Variants in KCNIP4 observed in about 807,000 individuals in gnomAD.
KCNIP4 encodes the protein Kv channel-interacting protein 4.
In KCNIP4, 12 loss-of-function variants were observed where a neutral mutation model predicts 34.0. That is an observed-to-expected ratio of 0.35 (90% CI 0.23 to 0.57). The LOEUF (loss-of-function observed/expected upper bound fraction) is 0.57. Among genes scored for constraint, KCNIP4 ranks in the 20% least tolerant of loss-of-function variants. The pLI is 0.83. For synonymous variants in KCNIP4, 124 were observed against 102.2 expected (o/e 1.21, Z -1.29); for missense variants, 238 against 311.7 (o/e 0.76, Z 1.78).
chr4:21,809,874 T>A (rs1721520070), intron 1 of KCNIP4, among the ~76,000 whole-genome samples: 1 of 152,224 alleles, frequency 6.6e-6, no homozygotes, highest in African/African-American at 2.4e-5. Context: ...AGGGAATTAA[T>A]GAGACCAGGG....
At chr4:21,606,675 C>A (rs535181993) in intron 1 of KCNIP4, among the ~76,000 whole-genome samples, 28 of 152,104 alleles carry the variant, frequency 1.8e-4, no homozygotes, top group African/African-American at 2.7e-4. Context: ...CTCACTGCAA[C>A]CTCTGCCTCC....
chr4:20,732,570 T>A, intron 7 of KCNIP4, 111 bp downstream of exon 7: 1 of 718,152 alleles, frequency 1.4e-6, no homozygotes. Flanking sequence ...CTGTTTTGTT[T>A]CAGTAAAAAT....
chr4:21,098,303 A>C (rs1747639961), intron 1 of KCNIP4, among the ~76,000 whole-genome samples: 1 of 152,232 alleles, frequency 6.6e-6, no homozygotes, highest in African/African-American at 2.4e-5. Context: ...TGCATTAAAT[A>C]ATAGATTTTC....
intron 1 of KCNIP4, among the ~76,000 whole-genome samples, chr4:21,385,918 C>G (rs1215959691): frequency 6.6e-6 from 1 of 152,114 alleles, no homozygotes; most frequent in Non-Finnish European, 1.5e-5. Flanking sequence ...TCAAAACTAG[C>G]TCAAACAAGT....
chr4:21,139,930 C>G (rs1427673149), intron 1 of KCNIP4, among the ~76,000 whole-genome samples: 1 of 151,914 alleles, frequency 6.6e-6, no homozygotes, highest in Non-Finnish European at 1.5e-5. Context: ...GTCTTTTTAA[C>G]CCCAGAGTCC....
chr4:21,757,109 A>G (rs532941686), intron 1 of KCNIP4, among the ~76,000 whole-genome samples: 4 of 3,138 alleles, frequency 1.3e-3, no homozygotes, highest in African/African-American at 3.2e-3. Flanking sequence ...AAAAGAAAGA[A>G]AGAAAGAAAG....
intron 1 of KCNIP4, among the ~76,000 whole-genome samples, chr4:21,414,474 G>C (rs897393137): frequency 2.0e-5 from 3 of 152,106 alleles, no homozygotes; most frequent in African/African-American, 7.2e-5. Flanking sequence ...ACCCTCTCAG[G>C]CTCCTGTGGA....
At chr4:20,846,997 T>C (rs1030589567) in intron 3 of KCNIP4, among the ~76,000 whole-genome samples, 6 of 152,140 alleles carry the variant, frequency 3.9e-5, no homozygotes, top group African/African-American at 1.4e-4. Flanking sequence ...GATCTGTAGA[T>C]AATAGTTTGC....
In KCNIP4 at chr4:21,857,038, C is replaced by T. The variant is rs114243669; in HGVS notation, c.61+91533G>A. 8.5e-3 allele frequency among the ~76,000 whole-genome samples: 1,292 copies of T among 152,238 alleles called. 14 individuals are homozygous for T. Among genetic ancestry groups the T allele is most frequent in the South Asian group, 0.031 (149 of 4,822 alleles). On this transcript the variant is annotated intron_variant, in intron 1 of 8. Coordinates refer to ENST00000382152, the MANE Select transcript of KCNIP4 (RefSeq NM_025221.6). ...TGAACAGTGGCAGGAGGCAGATAGGCTCCTGGGTGGAAAGACACAGGTGCC... is the reference window on the plus strand; with the variant it reads ...TGAACAGTGGCAGGAGGCAGATAGGTTCCTGGGTGGAAAGACACAGGTGCC...
intron 1 of KCNIP4, among the ~76,000 whole-genome samples, chr4:21,464,027 C>A (rs949785386): frequency 2.0e-5 from 3 of 151,946 alleles, no homozygotes; most frequent in Non-Finnish European, 4.4e-5. Flanking sequence ...CCTATATGAT[C>A]CTTTTTTATT....
intron 1 of KCNIP4, among the ~76,000 whole-genome samples, chr4:21,947,988 A>G (rs1264462800): frequency 6.6e-6 from 1 of 152,244 alleles, no homozygotes; most frequent in Non-Finnish European, 1.5e-5. Flanking sequence ...TGTACTGTAT[A>G]TAAATTATTT....
At chr4:21,747,728 T>C (rs1716868986) in intron 1 of KCNIP4, among the ~76,000 whole-genome samples, 1 of 152,038 alleles carries the variant, frequency 6.6e-6, no homozygotes, top group Non-Finnish European at 1.5e-5. Flanking sequence ...AGAAACATAA[T>C]TGTAAAGAGT....
chr4:21,448,859 A>G (rs1728265340), intron 1 of KCNIP4, among the ~76,000 whole-genome samples: 1 of 152,180 alleles, frequency 6.6e-6, no homozygotes, highest in Non-Finnish European at 1.5e-5. Context: ...CTCCTGACAT[A>G]TATAGGAGGT....
At chr4:21,703,679 TCAAA>T (rs1164305811) in intron 1 of KCNIP4, among the ~76,000 whole-genome samples, 1 of 152,076 alleles carries the variant, frequency 6.6e-6, no homozygotes, top group African/African-American at 2.4e-5. Context: ...TTGGTGTGTG[TCAAA>T]CAAAACATAT....
At chr4:21,849,366 T>C (rs1724227110) in intron 1 of KCNIP4, 1 of 152,130 alleles carries the variant, frequency 6.6e-6, no homozygotes, top group Non-Finnish European at 1.5e-5. Context: ...ATAAGTGGCT[T>C]TTTTTCTAAT....
In KCNIP4 at chr4:21,178,505, CA is replaced by C; in HGVS notation, c.62-295797del. 2.1e-3 allele frequency among the ~76,000 whole-genome samples: 316 copies of C among 150,548 alleles called. 2 individuals carry two copies. The highest frequency in any genetic ancestry group is 7.4e-3 in the African/African-American group (294 of 39,988). On this transcript the variant is annotated intron_variant, in intron 1 of 8. Transcript: ENST00000382152. ...TCAGTTTATTTCCAGGTATAGTAAC[CA>C]TGTGTCCAGGATAGTTATTTAAGTC...
chr4:21,791,085 G>A (rs1031389581), intron 1 of KCNIP4, among the ~76,000 whole-genome samples: 1 of 151,938 alleles, frequency 6.6e-6, no homozygotes, highest in Non-Finnish European at 1.5e-5. Flanking sequence ...TCTAGGCTGG[G>A]CAGTTTATTA....
intron 1 of KCNIP4, among the ~76,000 whole-genome samples, chr4:21,713,411 T>C (rs6850480): frequency 0.67 from 101,755 of 152,048 alleles, 35,642 homozygotes; most frequent in African/African-American, 0.87. Context: ...GGAGTTGGCA[T>C]CATTTTCATT....
chr4:21,267,680 T>C (rs1308627453), intron 1 of KCNIP4, among the ~76,000 whole-genome samples: 1 of 143,070 alleles, frequency 7.0e-6, no homozygotes, highest in Non-Finnish European at 1.6e-5. Context: ...GAACCAGCCT[T>C]GCATCCCAGG....
Sources: gnomAD v4.1 joint callset for allele counts (sites outside exome capture counted in the v4.1 genomes callset) on GRCh38, gnomAD v4.1.1 for gene constraint, MANE v1.5 for transcripts, NCBI Gene and HGNC (gene_info 2026-07-23, HGNC 2026-07-21) for gene names.